Variants in NEK1 observed in about 807,000 individuals in gnomAD.
NEK1 encodes the protein NIMA related kinase 1.
In NEK1, 137 loss-of-function variants were observed where a neutral mutation model predicts 182.1. The observed-to-expected ratio is 0.75, with a 90% CI of 0.65 to 0.87. The LOEUF is 0.87. Ranked by LOEUF, NEK1 falls within the 40% of genes least tolerant of loss-of-function variation. The pLI, the probability that NEK1 is intolerant of heterozygous loss-of-function variation, is 0.00. For synonymous variants in NEK1, 513 were observed against 492.2 expected (o/e 1.04, Z -0.56); for missense variants, 1,391 against 1,494.4 (o/e 0.93, Z 1.14).
chr4:169,563,402 T>C lies in NEK1; in HGVS notation c.1021-1206A>G, dbSNP rs142549007. Among the ~76,000 whole-genome samples, 530 of 152,204 alleles carry C rather than the reference T, an allele frequency of 3.5e-3. 1 individual carries two copies. The highest frequency in any genetic ancestry group is 5.8e-3 in the Non-Finnish European group (393 of 68,006). ...AAAAATCAAGTATCTGGGGGGTTTG[T>C]GGGTAATTCTTTCCATTTATTTTCT... On this transcript the variant is annotated intron_variant, in intron 12 of 35. Transcript: ENST00000507142.
Position 169,477,179 on chromosome 4 carries a change from T to G in NEK1, c.2379A>C (p.Gln793His). ...TTAACTCATCCAGAGGAATCACAAGTTGACCTCCTGCCTCCCACTTCTTGC... is the reference window on the plus strand; with the variant it reads ...TTAACTCATCCAGAGGAATCACAAGGTGACCTCCTGCCTCCCACTTCTTGC... ...SDRKKWEAGG[Q>H]LVIPLDELTL... is the part of the protein sequence containing the mutation. The change falls in exon 26 of 36, where the codon CAA (glutamine) becomes CAC (histidine). Residue 793 changes from glutamine (Q) to histidine (H), a missense_variant. By Grantham distance (24) the Gln-to-His change is conservative. This residue lies in a region of NEK1 where 1,216 missense variants were observed against 1,277.6 expected (regional missense o/e 0.95). Coordinates refer to ENST00000507142, the MANE Select transcript of NEK1 (RefSeq NM_001199397.3). 6.2e-7 allele frequency: 1 copy of G among 1,608,852 alleles called. No individual in the cohort carries two copies.
At chr4:169,542,029 TTTTG>T (rs2149832911) in intron 18 of NEK1, among the ~76,000 whole-genome samples, 1 of 152,236 alleles carries the variant, frequency 6.6e-6, no homozygotes, top group East Asian at 1.9e-4. Flanking sequence ...CCCAGACTCT[TTTTG>T]TTTTATTACA....
intron 12 of NEK1, among the ~76,000 whole-genome samples, chr4:169,564,783 T>C (rs1763423867): frequency 6.6e-6 from 1 of 152,174 alleles, no homozygotes; most frequent in Non-Finnish European, 1.5e-5. Flanking sequence ...ATCTAAAATA[T>C]GTAATACCAC....
At position 169,528,417 on chromosome 4, in the gene NEK1, A is replaced by T. The variant is rs572887821; in HGVS notation, c.1665+9392T>A. On this transcript the variant is annotated intron_variant, in intron 19 of 35. Transcript: ENST00000507142. ...AAGCAGCTGGGACCCTTGTTCATTA[A>T]GCCACGAGGAAATAAATTCTCTCAC... 1.2e-4 allele frequency among the ~76,000 whole-genome samples: 18 copies of T among 152,340 alleles called. No individual in the cohort carries two copies. In the East Asian group the frequency reaches 3.5e-3, roughly 29 times the overall value.
intron 23 of NEK1, 80 bp downstream of exon 23, chr4:169,506,957 T>C: frequency 1.2e-6 from 1 of 850,742 alleles, no homozygotes; most frequent in Middle Eastern, 2.3e-4. Context: ...CACAAGAAAA[T>C]TATAATACTG....
intron 23 of NEK1, among the ~76,000 whole-genome samples, chr4:169,496,051 C>T (rs935293194): frequency 4.6e-5 from 7 of 152,152 alleles, no homozygotes; most frequent in African/African-American, 1.4e-4. Context: ...AATATTCTTC[C>T]ATTTGTTTGT....
At chr4:169,564,210 A>C (rs1373074324) in intron 12 of NEK1, among the ~76,000 whole-genome samples, 1 of 152,124 alleles carries the variant, frequency 6.6e-6, no homozygotes, top group Non-Finnish European at 1.5e-5. Context: ...TTTTTCAGCC[A>C]CCTTAAAAAA....
rs1554075300 is a variant in NEK1, at chr4:169,587,572, G to T, written c.593C>A (p.Thr198Lys). The change falls in exon 9 of 36, where the codon ACA becomes AAA. Residue 198 changes from threonine to lysine, a missense_variant. Physicochemically the swap from Thr to Lys is moderately conservative, Grantham distance 78. Coordinates refer to ENST00000507142, the MANE Select transcript of NEK1 (RefSeq NM_001199397.3). ...ALGCVLYELC[T>K]LKHAFEAGSM... ...ACTTCTACTTACAGCATGTTTAAGT[G>T]TACACAGCTCATAAAGGACACACCC... is the stretch of plus-strand genomic sequence containing the variant. 6.5e-7 allele frequency: 1 copy of T among 1,539,712 alleles called. No individual in the cohort carries two copies. The highest frequency in any genetic ancestry group is 8.8e-7 in the Non-Finnish European group (1 of 1,137,104).
At chr4:169,426,306 C>T in intron 29 of NEK1, 72 bp from the exon 30 acceptor site, 1 of 1,235,738 alleles carries the variant, frequency 8.1e-7, no homozygotes, top group East Asian at 2.4e-5. Flanking sequence ...CTCTAAAATA[C>T]AGGAAATGGA....
chr4:169,491,149 AAAAAAAAAAAAAAAG>A (rs1465596756), intron 23 of NEK1, among the ~76,000 whole-genome samples: 3 of 145,826 alleles, frequency 2.1e-5, no homozygotes, highest in African/African-American at 7.9e-5. Context: ...AAAAAAAAAA[AAAAAAAAAAAAAAAG>A]AGAGATGGAG....
At chr4:169,424,885 C>A in intron 30 of NEK1, 85 bp from the exon 31 acceptor site, 4 of 1,347,756 alleles carry the variant, frequency 3.0e-6, no homozygotes, top group Non-Finnish European at 3.9e-6. Context: ...GTATGTAACA[C>A]AAATTCTAGC....
At chr4:169,404,191 T>C (rs2111065914) in intron 32 of NEK1, among the ~76,000 whole-genome samples, 1 of 152,170 alleles carries the variant, frequency 6.6e-6, no homozygotes. Context: ...TTGTCAACAA[T>C]AAAAATCCTG....
intron 31 of NEK1, among the ~76,000 whole-genome samples, chr4:169,423,413 A>C (rs902909472): frequency 2.6e-5 from 4 of 152,210 alleles, no homozygotes; most frequent in Non-Finnish European, 4.4e-5. Flanking sequence ...AAAATGACAT[A>C]TTTAAAAAAT....
At chr4:169,399,913 C>T (rs766610777) in intron 35 of NEK1, among the ~76,000 whole-genome samples, 7 of 152,142 alleles carry the variant, frequency 4.6e-5, no homozygotes, top group African/African-American at 1.2e-4. Flanking sequence ...GCATAAACCA[C>T]GGCACCCGGC....
At chr4:169,573,930 G>C (rs886385224) in intron 12 of NEK1, among the ~76,000 whole-genome samples, 1 of 152,124 alleles carries the variant, frequency 6.6e-6, no homozygotes, top group Non-Finnish European at 1.5e-5. Flanking sequence ...GGCAGCCAAG[G>C]CAAGAGCATT....
intron 18 of NEK1, among the ~76,000 whole-genome samples, chr4:169,545,400 A>AACT (rs1322923824): frequency 1.3e-5 from 2 of 151,590 alleles, no homozygotes; most frequent in African/African-American, 4.9e-5. Flanking sequence ...TTATGGCTGC[A>AACT]TAGTATTCCA....
intron 23 of NEK1, among the ~76,000 whole-genome samples, chr4:169,494,679 T>G (rs1261134116): frequency 6.6e-6 from 1 of 152,316 alleles, no homozygotes; most frequent in Admixed American, 6.5e-5. Flanking sequence ...CCACACTGAC[T>G]TCCACAATGG....
In NEK1 at chr4:169,561,740, G is replaced by C. The variant is rs779427782; in HGVS notation, c.1141-3C>G. Reference sequence around the variant, plus strand: ...TCAGCCTTCATTAAACTAATAATCTGTAACAATTTTAAAGACAAGCTTCTT... The same window carrying C: ...TCAGCCTTCATTAAACTAATAATCTCTAACAATTTTAAAGACAAGCTTCTT... On this transcript the variant is annotated splice_region_variant and splice_polypyrimidine_tract_variant and intron_variant, in intron 14 of 35. Coordinates refer to ENST00000507142, the MANE Select transcript of NEK1 (RefSeq NM_001199397.3). 1 of 1,580,966 alleles carries C rather than the reference G, an allele frequency of 6.3e-7. No individual in the cohort carries two copies.
At chr4:169,473,149 C>T (rs911734503) in intron 26 of NEK1, among the ~76,000 whole-genome samples, 2 of 151,466 alleles carry the variant, frequency 1.3e-5, no homozygotes, top group African/African-American at 4.8e-5. Context: ...GCCTGTAGTT[C>T]CAGCTACTCT....
Sources: allele counts gnomAD v4.1 joint callset (sites outside exome capture counted in the v4.1 genomes callset), GRCh38; gene constraint gnomAD v4.1.1; regional missense constraint gnomAD v4.1.1; transcripts MANE v1.5; gene names NCBI Gene and HGNC (gene_info 2026-07-23, HGNC 2026-07-21).